The following ME1 variants were observed in gnomAD, a reference collection of about 807,000 sequenced individuals.
ME1 encodes malic enzyme 1.
In ME1, 74 loss-of-function variants were observed where a neutral mutation model predicts 66.4. The ratio of observed to expected loss-of-function variants is 1.11; its 90% CI spans 0.92 to 1.35. ME1 has a LOEUF of 1.35. Among genes scored for constraint, ME1 ranks in the 40% most tolerant of loss-of-function variants. The pLI is 0.00. For missense variants in ME1, 750 were observed against 694.1 expected, an observed-to-expected ratio of 1.08 and a Z score of -0.90; for synonymous variants, 251 against 235.6, an observed-to-expected ratio of 1.07 and a Z score of -0.60.
chr6:83,299,041 A>G (rs1001349605), intron 6 of ME1, among the ~76,000 whole-genome samples: 10 of 138,904 alleles, frequency 7.2e-5, no homozygotes, highest in African/African-American at 2.4e-4. Context: ...TGATGCCTCC[A>G]GCTTTGTTCT....
intron 6 of ME1, among the ~76,000 whole-genome samples, chr6:83,290,311 G>T (rs1767478357): frequency 1.3e-5 from 2 of 152,196 alleles, no homozygotes; most frequent in Non-Finnish European, 2.9e-5. Context: ...GTGTCCCAGA[G>T]ATTCTGGTAC....
intron 1 of ME1, among the ~76,000 whole-genome samples, chr6:83,427,033 G>GA (rs1287788053): frequency 1.3e-5 from 2 of 151,794 alleles, no homozygotes; most frequent in Non-Finnish European, 2.9e-5. Context: ...AAATTATTGA[G>GA]AAAAAAATTT....
At chr6:83,393,221 C>T (rs1364373917) in intron 3 of ME1, 1 of 1,138,614 alleles carries the variant, frequency 8.8e-7, no homozygotes, top group Admixed American at 1.7e-5. Context: ...TCAAAGGCAT[C>T]CTGGGCTACT....
At chr6:83,243,036 T>C (rs543417365) in intron 7 of ME1, among the ~76,000 whole-genome samples, 1 of 151,938 alleles carries the variant, frequency 6.6e-6, no homozygotes, top group African/African-American at 2.4e-5. Flanking sequence ...GGCAGGAGGG[T>C]TGCTTGAACC....
At chr6:83,278,229 G>A (rs1333746605) in intron 6 of ME1, among the ~76,000 whole-genome samples, 1 of 152,114 alleles carries the variant, frequency 6.6e-6, no homozygotes, top group East Asian at 1.9e-4. Context: ...CAGCAGCAAA[G>A]CTTTAAACTG....
At chr6:83,408,724 T>C (rs1769992397) in intron 1 of ME1, among the ~76,000 whole-genome samples, 1 of 152,158 alleles carries the variant, frequency 6.6e-6, no homozygotes, top group African/African-American at 2.4e-5. Context: ...CAAAGTAATA[T>C]CAGAGCAGCT....
At chr6:83,291,038 A>C (rs112058973) in intron 6 of ME1, among the ~76,000 whole-genome samples, 12 of 152,104 alleles carry the variant, frequency 7.9e-5, no homozygotes, top group Non-Finnish European at 1.6e-4. Flanking sequence ...GAGTCTCCTC[A>C]ATACAGTATA....
intron 6 of ME1, among the ~76,000 whole-genome samples, chr6:83,287,187 G>C (rs1767412227): frequency 6.6e-6 from 1 of 151,890 alleles, no homozygotes; most frequent in Non-Finnish European, 1.5e-5. Context: ...GAAGTTCTGG[G>C]TTACATGTGC....
chr6:83,264,173 T>C (rs929861153), intron 6 of ME1, among the ~76,000 whole-genome samples: 4 of 152,214 alleles, frequency 2.6e-5, no homozygotes, highest in Non-Finnish European at 4.4e-5. Flanking sequence ...CTGTGCTCTA[T>C]AAATGAAACA....
intron 3 of ME1, among the ~76,000 whole-genome samples, chr6:83,390,142 T>TA (rs1318364085): frequency 2.6e-5 from 4 of 152,096 alleles, no homozygotes; most frequent in South Asian, 2.1e-4. Flanking sequence ...ATATTCAAAA[T>TA]AAAAAAATCT....
chr6:83,413,940 C>T (rs1322370260), intron 1 of ME1, among the ~76,000 whole-genome samples: 14 of 151,724 alleles, frequency 9.2e-5, no homozygotes, highest in Admixed American at 6.6e-5. Context: ...GAGATACTAC[C>T]TCCACAAAAA....
At chr6:83,228,553 A>G (rs1790240655) in intron 10 of ME1, among the ~76,000 whole-genome samples, 1 of 152,156 alleles carries the variant, frequency 6.6e-6, no homozygotes, top group Non-Finnish European at 1.5e-5. Context: ...ACCACTGTCT[A>G]TCTGGAGTAA....
chr6:83,362,630 T>C (rs1174296560), intron 3 of ME1, among the ~76,000 whole-genome samples: 1 of 152,216 alleles, frequency 6.6e-6, no homozygotes, highest in African/African-American at 2.4e-5. Context: ...TATGGTGCCA[T>C]TCCTTGGGGT....
intron 5 of ME1, among the ~76,000 whole-genome samples, chr6:83,342,599 T>A (rs1211082853): frequency 1.3e-5 from 2 of 152,230 alleles, no homozygotes; most frequent in Admixed American, 1.3e-4. Context: ...TGTATATTTT[T>A]ATAGGGTACA....
At position 83,223,771 on chromosome 6, in the gene ME1, TG is replaced by T; in HGVS notation, c.1437del (p.Thr480LeufsTer6). 1 of 1,613,630 alleles carries T rather than the reference TG, an allele frequency of 6.2e-7. No homozygotes were observed. Among genetic ancestry groups the T allele is most frequent in the Non-Finnish European group, 8.5e-7 (1 of 1,179,742 alleles). ...GGATTTTACAATACCTCAGCAGTAG[TG>T]AGGAAAATATTATCTGTGATCTGCC... The part of the protein sequence containing the change: ...GLRQITDNIF[L>X]TTAEVIAQQV... On this transcript the variant is annotated frameshift_variant, in exon 12 of 14. Coordinates refer to ENST00000369705, the MANE Select transcript of ME1 (RefSeq NM_002395.6). LOFTEE classifies it high-confidence loss of function.
intron 6 of ME1, among the ~76,000 whole-genome samples, chr6:83,298,756 A>C (rs2128536202): frequency 6.6e-6 from 1 of 151,968 alleles, no homozygotes; most frequent in East Asian, 1.9e-4. Context: ...TGTGTAAGGA[A>C]GGGGTCCAGT....
At chr6:83,254,473 C>T (rs992136139) in intron 6 of ME1, among the ~76,000 whole-genome samples, 1 of 152,148 alleles carries the variant, frequency 6.6e-6, no homozygotes, top group Admixed American at 6.5e-5. Context: ...ATGGTGACTA[C>T]ATTTCAACAT....
At chr6:83,378,093 A>T (rs1486599839) in intron 3 of ME1, among the ~76,000 whole-genome samples, 3 of 151,970 alleles carry the variant, frequency 2.0e-5, no homozygotes, top group Admixed American at 2.0e-4. Flanking sequence ...TATTTTTTTT[A>T]AAGGACACGA....
chr6:83,286,189 T>C (rs909910514), intron 6 of ME1, among the ~76,000 whole-genome samples: 1 of 152,178 alleles, frequency 6.6e-6, no homozygotes, highest in African/African-American at 2.4e-5. Context: ...GTGGCTATAA[T>C]AAGTTACTCT....
Sources: gnomAD v4.1 joint callset for allele counts (sites outside exome capture counted in the v4.1 genomes callset) on GRCh38, gnomAD v4.1.1 for gene constraint, MANE v1.5 for transcripts, NCBI Gene and HGNC (gene_info 2026-07-23, HGNC 2026-07-21) for gene names.